WDR37: variants seen among roughly 807,000 people sequenced by gnomAD.
The protein encoded by WDR37 is WD repeat domain 37, also known as WD repeat-containing protein 37.
In WDR37, 19 loss-of-function variants were observed where a neutral mutation model predicts 62.9. That is an observed-to-expected ratio of 0.30 (90% CI 0.21 to 0.44). WDR37 has a LOEUF of 0.44. WDR37 is among the 20% of genes least tolerant of loss of function. WDR37 has a pLI of 1.00. For synonymous variants in WDR37, 250 were observed against 260.9 expected, an observed-to-expected ratio of 0.96 and a Z score of 0.40; for missense variants, 474 against 657.6, an observed-to-expected ratio of 0.72 and a Z score of 3.05.
Position 1,078,015 on chromosome 10 carries a change from C to G in WDR37, c.235+12C>G. ...CGAAAACTTAGAATGTGAGTATCTCCTATTTTAATATACTTTTATAGCTTT... is the reference window on the plus strand; with the variant it reads ...CGAAAACTTAGAATGTGAGTATCTCGTATTTTAATATACTTTTATAGCTTT... On this transcript the variant is annotated intron_variant, in intron 3 of 13. Coordinates refer to ENST00000263150, the MANE Select transcript of WDR37 (RefSeq NM_014023.4). 1 of 1,567,824 alleles carries G rather than the reference C, an allele frequency of 6.4e-7. No homozygotes were observed. Among genetic ancestry groups the G allele is most frequent in the Non-Finnish European group, 8.7e-7 (1 of 1,143,602 alleles).
chr10:1,106,420 A>G (rs1835024267), intron 11 of WDR37, among the ~76,000 whole-genome samples: 1 of 152,226 alleles, frequency 6.6e-6, no homozygotes, highest in African/African-American at 2.4e-5. Context: ...TCCAAATATG[A>G]AAATCTGTTT....
At chr10:1,109,818 G>A (rs1564510081) in intron 11 of WDR37, among the ~76,000 whole-genome samples, 1 of 152,212 alleles carries the variant, frequency 6.6e-6, no homozygotes, top group Non-Finnish European at 1.5e-5. Flanking sequence ...GAAGAATGTA[G>A]TAAGTGTTAT....
intron 11 of WDR37, among the ~76,000 whole-genome samples, chr10:1,109,196 T>G (rs1245459125): frequency 2.6e-5 from 4 of 152,216 alleles, no homozygotes; most frequent in Non-Finnish European, 5.9e-5. Context: ...CAGTCCCTCC[T>G]GGTGCCTTCA....
intron 12 of WDR37, 123 bp from the exon 13 acceptor site, chr10:1,124,787 T>C: frequency 7.9e-7 from 1 of 1,260,196 alleles, no homozygotes; most frequent in Non-Finnish European, 1.1e-6. Context: ...GTACACGCAG[T>C]GTGTTCATGT....
intron 3 of WDR37, among the ~76,000 whole-genome samples, chr10:1,079,677 G>A (rs978930283): frequency 4.6e-5 from 7 of 151,962 alleles, no homozygotes; most frequent in Non-Finnish European, 1.0e-4. Context: ...TGGGATTACA[G>A]GCATGCACCA....
At position 1,129,495 on chromosome 10, in the gene WDR37, T is replaced by A; in HGVS notation, c.*151T>A. The A allele has an allele frequency of 8.6e-7, 1 of 1,163,392 alleles. No individual in the cohort carries two copies. The highest frequency in any genetic ancestry group is 1.2e-6 in the Non-Finnish European group (1 of 841,460). 72.1% of individuals were successfully genotyped at this position (1,163,392 alleles called of 1,614,324 possible). The stretch of plus-strand genomic sequence containing the variant: ...CTTTTCACATAGTGCCCAGCTTGCA[T>A]GAAATGTACAGAGAAATGTGTGGTC... On this transcript the variant is annotated 3_prime_UTR_variant, in exon 14 of 14. Coordinates refer to ENST00000263150, the MANE Select transcript of WDR37 (RefSeq NM_014023.4).
intron 1 of WDR37, among the ~76,000 whole-genome samples, chr10:1,064,519 CAG>C (rs1317455225): frequency 2.1e-5 from 3 of 144,942 alleles, no homozygotes; most frequent in Non-Finnish European, 3.0e-5. Flanking sequence ...AAACTGAAGA[CAG>C]AAGCATAGTA....
intron 7 of WDR37, 108 bp downstream of exon 7, chr10:1,086,465 GT>G (rs749915981): frequency 1.8e-5 from 15 of 840,150 alleles, no homozygotes; most frequent in African/African-American, 3.4e-5. Flanking sequence ...AAGCCTTACT[GT>G]TTCGGTTGTC....
At chr10:1,128,284 A>C (rs1211014959) in intron 13 of WDR37, among the ~76,000 whole-genome samples, 2 of 152,254 alleles carry the variant, frequency 1.3e-5, no homozygotes, top group Admixed American at 1.3e-4. Flanking sequence ...ACAGCAACGT[A>C]TCAGAGCTGT....
At chr10:1,070,666 A>G (rs570343537) in intron 1 of WDR37, among the ~76,000 whole-genome samples, 23 of 152,304 alleles carry the variant, frequency 1.5e-4, no homozygotes, top group African/African-American at 3.6e-4. Flanking sequence ...AATAAACTGA[A>G]TAGGAAAGAT....
chr10:1,104,640 C>G (rs1834945835), intron 10 of WDR37, among the ~76,000 whole-genome samples: 1 of 152,130 alleles, frequency 6.6e-6, no homozygotes, highest in South Asian at 2.1e-4. Flanking sequence ...AGGCTCTGCC[C>G]TAACTGAAGG....
chr10:1,105,289 A>C lies in WDR37; in HGVS notation c.1103+22A>C. The C allele has an allele frequency of 6.2e-7, 1 of 1,610,088 alleles. No homozygotes were observed. Among genetic ancestry groups the C allele is most frequent in the Non-Finnish European group, 8.5e-7 (1 of 1,177,808 alleles). ...CGGAGTGAGTTGCGGTAGTTTAGAC[A>C]TCTGTCCTTAGTCATGAAAAAGTTC... On this transcript the variant is annotated intron_variant, in intron 11 of 13. Transcript: ENST00000263150. This position sits in a 1 kb window ranked among gnomAD's most constrained non-coding sequence, Gnocchi z 5.3.
chr10:1,096,401 C>T (rs1014981669), intron 9 of WDR37, 155 bp downstream of exon 9: 6 of 755,266 alleles, frequency 7.9e-6, no homozygotes, highest in Non-Finnish European at 1.1e-5. Flanking sequence ...GGAGATTGGG[C>T]CTCTAAGGTA....
chr10:1,079,151 CT>C (rs1833956314), intron 3 of WDR37, among the ~76,000 whole-genome samples: 1 of 151,518 alleles, frequency 6.6e-6, no homozygotes, highest in Non-Finnish European at 1.5e-5. Context: ...GTGGCGTGAT[CT>C]GGGCTCACTG....
chr10:1,087,963 C>T (rs569156317), intron 7 of WDR37, among the ~76,000 whole-genome samples: 97 of 152,376 alleles, frequency 6.4e-4, no homozygotes, highest in Non-Finnish European at 1.3e-3. Context: ...GCTGGATCTT[C>T]TGGAGAACTT....
intron 9 of WDR37, among the ~76,000 whole-genome samples, chr10:1,098,197 G>A (rs543216316): frequency 6.6e-6 from 1 of 152,272 alleles, no homozygotes; most frequent in Non-Finnish European, 1.5e-5. Flanking sequence ...AAAGCAAAAT[G>A]AGGTAGTGGA....
intron 1 of WDR37, among the ~76,000 whole-genome samples, chr10:1,064,670 A>G (rs965345776): frequency 1.5e-5 from 2 of 133,874 alleles, no homozygotes; most frequent in African/African-American, 5.7e-5. Context: ...ATCTCAGCTC[A>G]CTACAACCTC....
chr10:1,116,284 G>C (rs911435844), intron 11 of WDR37, among the ~76,000 whole-genome samples: 1 of 150,834 alleles, frequency 6.6e-6, no homozygotes, highest in Non-Finnish European at 1.5e-5. Context: ...CCCCGCCCCG[G>C]GTCTCTGCCA....
At chr10:1,065,151 A>G (rs1207520777) in intron 1 of WDR37, among the ~76,000 whole-genome samples, 1 of 152,250 alleles carries the variant, frequency 6.6e-6, no homozygotes, top group African/African-American at 2.4e-5. Flanking sequence ...ATATCGGTCA[A>G]TTTAGTATTC....
Sources: allele counts gnomAD v4.1 joint callset (sites outside exome capture counted in the v4.1 genomes callset), GRCh38; gene constraint gnomAD v4.1.1; non-coding constraint Gnocchi (gnomAD v3.1); transcripts MANE v1.5; gene names NCBI Gene and HGNC (gene_info 2026-07-23, HGNC 2026-07-21).